The following RPS6KA2 variants were observed in gnomAD, a reference collection of about 807,000 sequenced individuals.
RPS6KA2 encodes the protein ribosomal protein S6 kinase A2.
RPS6KA2 carries 42 observed loss-of-function variants against 91.8 expected under a neutral mutation model. The ratio of observed to expected loss-of-function variants is 0.46; its 90% CI spans 0.36 to 0.59. RPS6KA2 has a LOEUF of 0.59. Among genes scored for constraint, RPS6KA2 ranks in the 20% least tolerant of loss-of-function variants. RPS6KA2 has a pLI of 0.00. For synonymous variants in RPS6KA2, 414 were observed against 393.6 expected (o/e 1.05, Z -0.61); for missense variants, 798 against 978.5 (o/e 0.82, Z 2.46).
chr6:166,670,218 G>A (rs974943233), intron 2 of RPS6KA2, among the ~76,000 whole-genome samples: 12 of 152,234 alleles, frequency 7.9e-5, no homozygotes, highest in Admixed American at 1.3e-4. Context: ...ATCCTTCACC[G>A]GTCCGTGCGG....
At chr6:166,728,147 C>A (rs1380591124) in intron 2 of RPS6KA2, among the ~76,000 whole-genome samples, 9 of 152,220 alleles carry the variant, frequency 5.9e-5, no homozygotes, top group Admixed American at 5.9e-4. Flanking sequence ...ATAGGAGGGA[C>A]TTGAGCAGTG....
At chr6:166,466,218 A>G (rs940144572) in intron 11 of RPS6KA2, among the ~76,000 whole-genome samples, 6 of 152,234 alleles carry the variant, frequency 3.9e-5, no homozygotes, top group Non-Finnish European at 7.3e-5. Context: ...CAGGGAGACC[A>G]GAGCACCCTG....
At chr6:166,794,378 G>A (rs1333791097) in intron 2 of RPS6KA2, among the ~76,000 whole-genome samples, 1 of 152,192 alleles carries the variant, frequency 6.6e-6, no homozygotes, top group African/African-American at 2.4e-5. Flanking sequence ...AGGATGTGGA[G>A]AAATAGGAAC....
rs151066675 is a variant in RPS6KA2, at chr6:166,593,502, C to A, written c.99+33419G>T. ...ATATAGCCAGCACAGTACAGGCAAC[C>A]AGGTCCACAAATCTCAGAATGGTAT... On this transcript the variant is annotated intron_variant, in intron 1 of 20. Coordinates refer to ENST00000265678, the MANE Select transcript of RPS6KA2 (RefSeq NM_021135.6). Among the ~76,000 whole-genome samples the A allele has an allele frequency of 3.8e-3, 586 of 152,250 alleles. 4 individuals are homozygous for A. Among genetic ancestry groups the A allele is most frequent in the African/African-American group, 0.013 (557 of 41,530 alleles).
intron 2 of RPS6KA2, among the ~76,000 whole-genome samples, chr6:166,706,027 C>T (rs759481654): frequency 3.9e-5 from 6 of 152,166 alleles, no homozygotes; most frequent in Non-Finnish European, 5.9e-5. Flanking sequence ...GTCTGTGAAC[C>T]AGGGAGCAAG....
chr6:166,580,325 C>T (rs1290150106), intron 1 of RPS6KA2, among the ~76,000 whole-genome samples: 4 of 152,200 alleles, frequency 2.6e-5, no homozygotes, highest in Admixed American at 2.6e-4. Flanking sequence ...GCCAACACAC[C>T]CTGACTTCAG....
At position 166,724,382 on chromosome 6, in the gene RPS6KA2, C is replaced by G. The variant is rs1313989298; in HGVS notation, c.123+133818G>C. ...GTGCCTTTATCATTATTCTAAGGGC[C>G]CTTAACATTTCTTTGTTGAATTTAA... On this transcript the variant is annotated intron_variant, in intron 2 of 21. Coordinates refer to the RPS6KA2 transcript ENST00000503859. 7.2e-5 allele frequency among the ~76,000 whole-genome samples: 11 copies of G among 151,934 alleles called. No homozygotes were observed. In the South Asian group the frequency reaches 8.3e-4, roughly 11 times the overall value.
At position 166,533,765 on chromosome 6, in the gene RPS6KA2, C is replaced by T. The variant is rs1408381376; in HGVS notation, c.217-2452G>A. 1.3e-5 allele frequency among the ~76,000 whole-genome samples: 2 copies of T among 152,084 alleles called. No homozygotes were observed. The highest frequency in any genetic ancestry group is 1.5e-5 in the Non-Finnish European group (1 of 68,012). On this transcript the variant is annotated intron_variant, in intron 2 of 20. Coordinates refer to ENST00000265678, the MANE Select transcript of RPS6KA2 (RefSeq NM_021135.6). The surrounding 1 kb of genome is among the most constrained non-coding windows in gnomAD (Gnocchi z 4.0). ...TTGCGGCGAAGCTGACATGTTAGCT[C>T]CCAAAATAAGGCATTCTTATAATCA...
chr6:166,492,540 T>C (rs1270642237), intron 8 of RPS6KA2, among the ~76,000 whole-genome samples: 1 of 152,210 alleles, frequency 6.6e-6, no homozygotes, highest in East Asian at 1.9e-4. Context: ...AATAGCACTA[T>C]GAAATCCCAT....
At chr6:166,449,765 C>T (rs1323068801) in intron 13 of RPS6KA2, among the ~76,000 whole-genome samples, 9 of 146,570 alleles carry the variant, frequency 6.1e-5, no homozygotes, top group Admixed American at 1.4e-4. Context: ...AATACCACCA[C>T]GGAGACCATT....
intron 2 of RPS6KA2, among the ~76,000 whole-genome samples, chr6:166,794,576 T>C (rs1197037206): frequency 6.7e-6 from 1 of 150,012 alleles, no homozygotes; most frequent in Non-Finnish European, 1.5e-5. Flanking sequence ...TGTGGCACTA[T>C]TCACAATAGC....
chr6:166,691,966 T>C (rs959523052), intron 2 of RPS6KA2, among the ~76,000 whole-genome samples: 1 of 152,156 alleles, frequency 6.6e-6, no homozygotes, highest in African/African-American at 2.4e-5. Context: ...TGGGCAGCTA[T>C]TCCCCGTGTC....
rs1368238287 is a variant in RPS6KA2, at chr6:166,790,826, C to T, written c.123+67374G>A. On this transcript the variant is annotated intron_variant, in intron 2 of 21. Transcript: ENST00000503859. ...ACAAACAAATGCTGAGAGATTTTGTCACCACCAGGCCTGCCCTAAAAGAGC... is the reference window on the plus strand; with the variant it reads ...ACAAACAAATGCTGAGAGATTTTGTTACCACCAGGCCTGCCCTAAAAGAGC... Among the ~76,000 whole-genome samples the T allele has an allele frequency of 2.0e-5, 3 of 152,278 alleles. No homozygotes were observed. In the East Asian group the frequency reaches 5.8e-4, roughly 29 times the overall value.
intron 2 of RPS6KA2, among the ~76,000 whole-genome samples, chr6:166,691,727 T>C (rs998033014): frequency 1.3e-5 from 2 of 152,218 alleles, no homozygotes; most frequent in African/African-American, 4.8e-5. Flanking sequence ...AAATATTTCA[T>C]CTTCAAAAGG....
At chr6:166,539,618 C>G (rs1011033757) in intron 1 of RPS6KA2, among the ~76,000 whole-genome samples, 1 of 152,178 alleles carries the variant, frequency 6.6e-6, no homozygotes, top group Non-Finnish European at 1.5e-5. Context: ...TTGCCACCAG[C>G]CCAGAAAGCA....
upstream of RPS6KA2, among the ~76,000 whole-genome samples, chr6:166,630,806 G>A (rs1011219662): frequency 1.3e-5 from 2 of 152,248 alleles, no homozygotes; most frequent in African/African-American, 2.4e-5. Context: ...GTGGATCCCC[G>A]TGTACTTGAA....
intron 12 of RPS6KA2, among the ~76,000 whole-genome samples, chr6:166,458,147 T>G (rs747918854): frequency 6.6e-6 from 1 of 152,234 alleles, no homozygotes; most frequent in Non-Finnish European, 1.5e-5. Context: ...TTGATATGGT[T>G]CAGCTTTGTG....
rs555755514 is a variant in RPS6KA2 at position 166,575,185 on chromosome 6, G to A, written c.100-36401C>T. ...CCATACAACTTCTCAGAGCACATTG[G>A]AGGAAAGATTTTCAACACATAAAAA... On this transcript the variant is annotated intron_variant, in intron 1 of 20. Coordinates refer to ENST00000265678, the MANE Select transcript of RPS6KA2 (RefSeq NM_021135.6). Among the ~76,000 whole-genome samples the A allele has an allele frequency of 5.3e-5, 8 of 152,324 alleles. No homozygotes were observed. In the South Asian group the frequency reaches 8.3e-4, roughly 16 times the overall value.
chr6:166,738,071 C>G (rs1343325865), intron 2 of RPS6KA2, among the ~76,000 whole-genome samples: 7 of 152,278 alleles, frequency 4.6e-5, no homozygotes, highest in Admixed American at 3.3e-4. Context: ...GTCCCATGAC[C>G]TGCCTTTTGC....
Sources: gnomAD v4.1 joint callset for allele counts (sites outside exome capture counted in the v4.1 genomes callset) on GRCh38, gnomAD v4.1.1 for gene constraint, Gnocchi (gnomAD v3.1) non-coding constraint, MANE v1.5 for transcripts, NCBI Gene and HGNC (gene_info 2026-07-23, HGNC 2026-07-21) for gene names.